Variants in CEP350 observed in about 807,000 individuals in gnomAD.
CEP350 encodes the protein centrosome-associated protein 350.
In CEP350, 126 loss-of-function variants were observed where a neutral mutation model predicts 331.8. The ratio of observed to expected loss-of-function variants is 0.38; its 90% CI spans 0.33 to 0.44. CEP350 has a LOEUF of 0.44. CEP350 is among the 20% of genes least tolerant of loss of function. The pLI is 1.00. For missense variants in CEP350, 3,406 were observed against 3,634.6 expected, an observed-to-expected ratio of 0.94 and a Z score of 1.62; for synonymous variants, 1,200 against 1,259.5, an observed-to-expected ratio of 0.95 and a Z score of 1.00.
At position 180,094,526 on chromosome 1, in the gene CEP350, A is replaced by G. The variant is rs1434703046; in HGVS notation, c.8421A>G (p.Glu2807=). The change falls in exon 34 of 38, where the codon GAA becomes GAG. Residue 2807 remains glutamate, a synonymous_variant. Coordinates refer to ENST00000367607, the MANE Select transcript of CEP350 (RefSeq NM_014810.5). ...AAGACCTATCCCAAAATGTTGAGGA[A>G]CAGTCGCCAAGTATTTCAGGTTGCT... The part of the protein sequence containing the change: ...TPQDLSQNVE[E]QSPSISGCFL... 2 of 1,613,954 alleles carry G rather than the reference A, an allele frequency of 1.2e-6. No homozygotes were observed.
chr1:180,064,377 G>A (rs923138959), intron 26 of CEP350, among the ~76,000 whole-genome samples: 84 of 151,582 alleles, frequency 5.5e-4, no homozygotes, highest in African/African-American at 1.9e-3. Flanking sequence ...TTGCTCTGTC[G>A]CATCCAATGA....
chr1:179,971,496 A>C (rs1004531871), intron 1 of CEP350, among the ~76,000 whole-genome samples: 12 of 147,672 alleles, frequency 8.1e-5, no homozygotes, highest in African/African-American at 2.8e-4. Flanking sequence ...GCTAATTAAA[A>C]ATTTTTTTTT....
intron 37 of CEP350, among the ~76,000 whole-genome samples, chr1:180,110,533 A>G (rs1345181890): frequency 6.6e-6 from 1 of 152,206 alleles, no homozygotes; most frequent in Non-Finnish European, 1.5e-5. Flanking sequence ...GCTAAGCTAT[A>G]TGTTCAGTAA....
Position 180,024,531 on chromosome 1 carries a change from C to T in CEP350, c.3499C>T (p.Arg1167Cys), listed in dbSNP as rs549183005. The change falls in exon 14 of 38, where the codon CGT (arginine) becomes TGT (cysteine). Residue 1167 changes from arginine to cysteine, a missense_variant. Physicochemically the swap from Arg to Cys is radical, Grantham distance 180. Transcript: ENST00000367607. ...AGGAGCCCAGTCTGCTGCATCGTCT[C>T]GTTCATCTACTTCTTCTAAAGGAAA... ...SSGAQSAASS[R>C]SSTSSKGKKG... The T allele has an allele frequency of 6.9e-5, 111 of 1,613,006 alleles. No homozygotes were observed. Among genetic ancestry groups the T allele is most frequent in the African/African-American group, 2.7e-4 (20 of 74,958 alleles).
rs934109531 is a variant in CEP350, at chr1:179,975,532, A to AT, written c.-13-10626dup. Reference sequence around the variant, plus strand: ...AGAAAGAAATTAGAGAAACATCTTAATTTTTTTTTTTACAAATAGCTTTAT... The same window carrying AT: ...AGAAAGAAATTAGAGAAACATCTTAATTTTTTTTTTTTACAAATAGCTTTAT... On this transcript the variant is annotated intron_variant, in intron 1 of 37. Transcript: ENST00000367607. Among the ~76,000 whole-genome samples, 169 of 148,786 alleles carry AT rather than the reference A, an allele frequency of 1.1e-3. 1 individual carries two copies. Among genetic ancestry groups the AT allele is most frequent in the African/African-American group, 3.2e-3 (129 of 40,836 alleles).
rs1397082898 is a variant in CEP350, at chr1:180,111,203, C to G, written c.*42C>G. 1.9e-6 allele frequency: 3 copies of G among 1,599,150 alleles called. No homozygotes were observed. The highest frequency in any genetic ancestry group is 2.6e-6 in the Non-Finnish European group (3 of 1,170,254). On this transcript the variant is annotated 3_prime_UTR_variant, in exon 38 of 38. Transcript: ENST00000367607. The stretch of plus-strand genomic sequence containing the variant: ...CGAACGCTGAGTGCTAATGTGAGTC[C>G]TGGGCCTTTCTGCCTCCTGATGTAC...
intron 7 of CEP350, among the ~76,000 whole-genome samples, chr1:180,003,520 G>C (rs1654008184): frequency 6.6e-6 from 1 of 152,122 alleles, no homozygotes; most frequent in African/African-American, 2.4e-5. Context: ...TTTTTAAACT[G>C]AGGGACTTTC....
intron 22 of CEP350, chr1:180,052,425 A>G (rs1433244986): frequency 6.3e-6 from 2 of 319,682 alleles, no homozygotes; most frequent in Non-Finnish European, 1.2e-5. Flanking sequence ...CTGTAGGGAA[A>G]ATACAGTTTG....
intron 13 of CEP350, among the ~76,000 whole-genome samples, chr1:180,023,479 C>G (rs1045795314): frequency 1.3e-5 from 2 of 151,968 alleles, no homozygotes; most frequent in Admixed American, 6.6e-5. Flanking sequence ...CTCCATGGTT[C>G]CAAGTAATAA....
At position 180,084,119 on chromosome 1, in the gene CEP350, A is replaced by G. The variant is rs1330862765; in HGVS notation, c.6226A>G (p.Lys2076Glu). Residue 2076 changes from lysine (K) to glutamate (E), a missense_variant, in exon 31 of 38, where the codon AAA (lysine) becomes GAA (glutamate). Transcript: ENST00000367607. ...SVVNQLKKEQ[K>E]KRQKERLKAQ... ...TGTGAACCAGCTGAAGAAGGAACAG[A>G]AAAAAAGGCAAAAGGAAAGACTGAA... The G allele has an allele frequency of 1.3e-6, 2 of 1,583,534 alleles. No homozygotes were observed. Among genetic ancestry groups the G allele is most frequent in the South Asian group, 2.3e-5 (2 of 86,208 alleles).
intron 1 of CEP350, among the ~76,000 whole-genome samples, chr1:179,971,035 T>TG (rs1445527502): frequency 2.0e-5 from 3 of 151,258 alleles, no homozygotes; most frequent in South Asian, 4.2e-4. Context: ...GTTGTTTGTT[T>TG]TTTTTTTTTT....
intron 30 of CEP350, 23 bp from the exon 31 acceptor site, chr1:180,083,995 A>T: frequency 7.5e-7 from 1 of 1,331,980 alleles, no homozygotes; most frequent in Non-Finnish European, 1.0e-6. Context: ...AATTATAAAT[A>T]AAAGATTTTG....
intron 37 of CEP350, among the ~76,000 whole-genome samples, chr1:180,108,446 G>A (rs2149198905): frequency 6.6e-6 from 1 of 152,268 alleles, no homozygotes; most frequent in African/African-American, 2.4e-5. Flanking sequence ...GTTACAGTGA[G>A]CTGAGATCAC....
rs1277182839 is a variant in CEP350, at chr1:179,955,042, G to A, written c.-114G>A. On this transcript the variant is annotated 5_prime_UTR_variant, in exon 1 of 38. Transcript: ENST00000367607. ...GTGCGTCCCCGGAGCGGGGAGGCCA[G>A]GCCGGGCAGCCCTGGGGCCGGTCGG... 1.5e-6 allele frequency: 2 copies of A among 1,348,218 alleles called. No homozygotes were observed. The highest frequency in any genetic ancestry group is 1.9e-6 in the Non-Finnish European group (2 of 1,049,358). 83.5% of individuals were successfully genotyped at this position (1,348,218 alleles called of 1,614,324 possible). A position where few individuals can be genotyped will look rare whatever the true frequency, so the allele number is the denominator to read the frequency against.
intron 8 of CEP350, among the ~76,000 whole-genome samples, chr1:180,007,422 G>A (rs576861855): frequency 6.6e-6 from 1 of 152,234 alleles, no homozygotes; most frequent in East Asian, 1.9e-4. Flanking sequence ...AGAAGTGTCT[G>A]TTCATATACT....
rs140471578 is a variant in CEP350, at chr1:179,996,812, A to G, written c.655A>G (p.Met219Val). Reference protein sequence around the residue: ...SECLIRMGASMRTEEEMPNRT... With the variant: ...SECLIRMGASVRTEEEMPNRT... The stretch of plus-strand genomic sequence containing the variant: ...ATGTTTGATTAGGATGGGAGCTTCT[A>G]TGAGAACTGAGGAAGAAATGCCTAA... The change falls in exon 6 of 38, where the codon ATG becomes GTG. Residue 219 changes from methionine to valine, a missense_variant. Physicochemically the swap from Met to Val is conservative, Grantham distance 21. Around this residue, in one of 5 missense-constraint regions of CEP350, gnomAD observed 1,857 missense variants for 1,909.2 expected, o/e 0.97. Transcript: ENST00000367607. The G allele has an allele frequency of 3.7e-5, 60 of 1,613,606 alleles. No individual in the cohort carries two copies. The highest frequency in any genetic ancestry group is 1.6e-4 in the Middle Eastern group (1 of 6,084).
chr1:179,980,386 G>A (rs1267048766), intron 1 of CEP350, among the ~76,000 whole-genome samples: 1 of 150,258 alleles, frequency 6.7e-6, no homozygotes, highest in Non-Finnish European at 1.5e-5. Flanking sequence ...TTTGTATGTT[G>A]ATTTTGTATC....
chr1:180,036,722 G>A (rs1466812370), intron 16 of CEP350, among the ~76,000 whole-genome samples: 1 of 152,134 alleles, frequency 6.6e-6, no homozygotes, highest in African/African-American at 2.4e-5. Flanking sequence ...CAAAAAATTT[G>A]TGTGACTTGC....
In CEP350 at chr1:180,078,637, C is replaced by T; in HGVS notation, c.5942C>T (p.Ser1981Leu). ...ATACTTACTGAAGAAATGATTTGTT[C>T]ACAGGAACTAGAATCTTCTACCTCT... ...HSILTEEMICSQELESSTSPS... is the reference protein window; with the variant it reads ...HSILTEEMICLQELESSTSPS... Residue 1981 changes from serine (S) to leucine (L), a missense_variant, in exon 29 of 38, where the codon TCA becomes TTA. This residue lies in a region of CEP350 where 1,415 missense variants were observed against 1,512.3 expected (regional missense o/e 0.94). Transcript: ENST00000367607. 6.2e-7 allele frequency: 1 copy of T among 1,610,938 alleles called. No individual in the cohort carries two copies.
Sources: gnomAD v4.1 joint callset for allele counts (sites outside exome capture counted in the v4.1 genomes callset) on GRCh38, gnomAD v4.1.1 for gene constraint, gnomAD v4.1.1 regional missense constraint, MANE v1.5 for transcripts, NCBI Gene and HGNC (gene_info 2026-07-23, HGNC 2026-07-21) for gene names.